The following PAWR variants were observed in gnomAD, a reference collection of about 807,000 sequenced individuals.
The protein encoded by PAWR is PRKC apoptosis WT1 regulator protein.
A neutral mutation model predicts 32.0 loss-of-function variants in PAWR; 23 were observed. That is an observed-to-expected ratio of 0.72 (90% CI 0.52 to 1.02). The LOEUF (loss-of-function observed/expected upper bound fraction) is 1.02. PAWR is among the 50% of genes least tolerant of loss of function. The pLI is 0.00. For missense variants in PAWR, 457 were observed against 437.7 expected, an observed-to-expected ratio of 1.04 and a Z score of -0.39; for synonymous variants, 226 against 187.1, an observed-to-expected ratio of 1.21 and a Z score of -1.70.
chr12:79,596,048 A>T (rs1873737019), intron 5 of PAWR, among the ~76,000 whole-genome samples: 2 of 152,176 alleles, frequency 1.3e-5, no homozygotes, highest in African/African-American at 4.8e-5. Context: ...TCTCAAGTAA[A>T]ACAAAACACA....
At chr12:79,672,060 T>C (rs1877929454) in intron 2 of PAWR, among the ~76,000 whole-genome samples, 1 of 152,160 alleles carries the variant, frequency 6.6e-6, no homozygotes, top group South Asian at 2.1e-4. Flanking sequence ...TCACAGAAAG[T>C]GCTGTCAGCT....
At position 79,591,645 on chromosome 12, in the gene PAWR, T is replaced by C. The variant is rs1408974998; in HGVS notation, c.*962A>G. 6.6e-6 allele frequency: 1 copy of C among 152,140 alleles called. No individual in the cohort carries two copies. The highest frequency in any genetic ancestry group is 1.5e-5 in the Non-Finnish European group (1 of 67,990). 9.4% of individuals were successfully genotyped at this position (152,140 alleles called of 1,614,324 possible). ...TATTCTCTCATATGAAAAAACTGTG[T>C]CCCAGTGTTATTCTTCAACTTAGAA... On this transcript the variant is annotated 3_prime_UTR_variant, in exon 7 of 7. Coordinates refer to ENST00000328827, the MANE Select transcript of PAWR (RefSeq NM_002583.4).
At chr12:79,658,465 A>T (rs1877196706) in intron 2 of PAWR, among the ~76,000 whole-genome samples, 1 of 152,154 alleles carries the variant, frequency 6.6e-6, no homozygotes, top group African/African-American at 2.4e-5. Flanking sequence ...CCAAGCAGAG[A>T]AAAAAGATTT....
intron 2 of PAWR, among the ~76,000 whole-genome samples, chr12:79,655,022 C>T (rs986341423): frequency 7.2e-5 from 11 of 152,264 alleles, no homozygotes; most frequent in African/African-American, 2.4e-4. Context: ...TTTCAGCTCG[C>T]TAAGCTGCCA....
At position 79,596,616 on chromosome 12, in the gene PAWR, A is replaced by G; in HGVS notation, c.726T>C (p.Ser242=). ...VSEEDVSSRY[S]RTDRSGFPRY... ...TAGGGAACCCACTTCTATCTGTTCG[A>G]GAATATCTACTTGAGACATCTTCTT... is the stretch of plus-strand genomic sequence containing the variant. The change falls in exon 5 of 7, where the codon TCT becomes TCC. Residue 242 remains serine, a synonymous_variant. Transcript: ENST00000328827. 6.2e-7 allele frequency: 1 copy of G among 1,601,828 alleles called. No individual in the cohort carries two copies. Among genetic ancestry groups the G allele is most frequent in the Admixed American group, 1.7e-5 (1 of 59,162 alleles).
At chr12:79,640,248 G>C (rs1298411115) in intron 2 of PAWR, among the ~76,000 whole-genome samples, 1 of 151,998 alleles carries the variant, frequency 6.6e-6, no homozygotes, top group Non-Finnish European at 1.5e-5. Context: ...CAAAGAGCAA[G>C]ACTCCTTATT....
chr12:79,639,829 TTTCCA>T (rs1243258639), intron 2 of PAWR, among the ~76,000 whole-genome samples: 1 of 114,970 alleles, frequency 8.7e-6, no homozygotes, highest in African/African-American at 6.4e-5. Context: ...TCCTTTTCCT[TTTCCA>T]TTCCTATTCC....
At chr12:79,621,430 C>T (rs1281362214) in intron 2 of PAWR, among the ~76,000 whole-genome samples, 2 of 152,168 alleles carry the variant, frequency 1.3e-5, no homozygotes, top group African/African-American at 4.8e-5. Flanking sequence ...AATCTTTTCC[C>T]TAAACTCCAA....
intron 2 of PAWR, among the ~76,000 whole-genome samples, chr12:79,638,825 T>C (rs893103764): frequency 1.6e-5 from 2 of 125,444 alleles, no homozygotes; most frequent in African/African-American, 5.6e-5. Flanking sequence ...GTGTGTATTA[T>C]ATATAAACAT....
intron 2 of PAWR, among the ~76,000 whole-genome samples, chr12:79,643,955 A>C (rs1255377483): frequency 6.6e-6 from 1 of 152,162 alleles, no homozygotes; most frequent in Non-Finnish European, 1.5e-5. Context: ...GCTATGTGTC[A>C]TGCTGCTCTA....
At chr12:79,637,933 T>G (rs1264614925) in intron 2 of PAWR, among the ~76,000 whole-genome samples, 1 of 152,172 alleles carries the variant, frequency 6.6e-6, no homozygotes, top group Non-Finnish European at 1.5e-5. Context: ...CATTTTGAAG[T>G]GTACTTACAT....
At position 79,645,069 on chromosome 12, in the gene PAWR, A is replaced by ACACAC. The variant is rs1220453183; in HGVS notation, c.517-23863_517-23862insGTGTG. ...ACACACACACACACACACACACACAAAAATCAATGTGGAATAGGAAATGAG... is the reference window on the plus strand; with the variant it reads ...ACACACACACACACACACACACACAACACACAAATCAATGTGGAATAGGAAATGAG... On this transcript the variant is annotated intron_variant, in intron 2 of 6. Coordinates refer to ENST00000328827, the MANE Select transcript of PAWR (RefSeq NM_002583.4). Among the ~76,000 whole-genome samples the ACACAC allele has an allele frequency of 1.3e-3, 159 of 124,804 alleles. 1 individual carries two copies. The highest frequency in any genetic ancestry group is 3.9e-3 in the African/African-American group (76 of 19,496). The allele number at this position is 124,804 out of a possible 152,430, so 81.9% of individuals were successfully genotyped here.
chr12:79,682,507 C>T lies in PAWR; in HGVS notation c.516+7222G>A, dbSNP rs1021391076. 7.9e-5 allele frequency among the ~76,000 whole-genome samples: 12 copies of T among 152,282 alleles called. 1 individual carries two copies. Among genetic ancestry groups the T allele is most frequent in the African/African-American group, 2.2e-4 (9 of 41,548 alleles). On this transcript the variant is annotated intron_variant, in intron 2 of 6. Coordinates refer to ENST00000328827, the MANE Select transcript of PAWR (RefSeq NM_002583.4). ...ACTATCATTGAAAAATACACTGTGA[C>T]CCACAAAATTTTGCTGGACAAAATC...
chr12:79,619,775 T>C (rs892696418), intron 3 of PAWR, among the ~76,000 whole-genome samples: 5 of 152,196 alleles, frequency 3.3e-5, no homozygotes, highest in African/African-American at 4.8e-5. Flanking sequence ...CAATCTTCCT[T>C]GCAATGGGAT....
At chr12:79,594,556 C>A in intron 5 of PAWR, 123 bp from the exon 6 acceptor site, 1 of 584,712 alleles carries the variant, frequency 1.7e-6, no homozygotes, top group Non-Finnish European at 3.0e-6. Context: ...CCAATGAATC[C>A]CTTAAGACAT....
chr12:79,675,570 TCATGTCCTTTG>T (rs1878124313), intron 2 of PAWR, among the ~76,000 whole-genome samples: 12 of 152,054 alleles, frequency 7.9e-5, no homozygotes, highest in Admixed American at 7.9e-4. Flanking sequence ...AAGAACAAGG[TCATGTCCTTTG>T]CAGCAATATA....
At chr12:79,660,627 A>G (rs1392208667) in intron 2 of PAWR, among the ~76,000 whole-genome samples, 1 of 142,150 alleles carries the variant, frequency 7.0e-6, no homozygotes, top group Non-Finnish European at 1.5e-5. Flanking sequence ...TCTGTTGCCC[A>G]GGCTGGAGTG....
rs1330934906 is a variant in PAWR, at chr12:79,632,346, TATATATATATATATA to T, written c.517-11154_517-11140del. On this transcript the variant is annotated intron_variant, in intron 2 of 6. Coordinates refer to ENST00000328827, the MANE Select transcript of PAWR (RefSeq NM_002583.4). ...ATATATATATATATATATATATATA[TATATATATATATATA>T]TTTTTTTTTTTTTTTAGACAGGGTC... is the stretch of plus-strand genomic sequence containing the variant. 6.5e-3 allele frequency among the ~76,000 whole-genome samples: 433 copies of T among 66,706 alleles called. 13 individuals are homozygous for T. The highest frequency in any genetic ancestry group is 9.1e-3 in the South Asian group (21 of 2,304). The allele number at this position is 66,706 out of a possible 152,430, so 43.8% of individuals were successfully genotyped here.
chr12:79,670,099 GA>G lies in PAWR; in HGVS notation c.516+19629del, dbSNP rs1382775700. ...AAAAATAGGTGGATGTTTGAAACAGGAAAAAAAATTAAGTTGTTAATCACAC... is the reference window on the plus strand; with the variant it reads ...AAAAATAGGTGGATGTTTGAAACAGGAAAAAAATTAAGTTGTTAATCACAC... On this transcript the variant is annotated intron_variant, in intron 2 of 6. Coordinates refer to ENST00000328827, the MANE Select transcript of PAWR (RefSeq NM_002583.4). 2.6e-5 allele frequency among the ~76,000 whole-genome samples: 4 copies of G among 151,876 alleles called. No homozygotes were observed. In the East Asian group the frequency reaches 7.7e-4, roughly 29 times the overall value.
Sources: allele counts gnomAD v4.1 joint callset (sites outside exome capture counted in the v4.1 genomes callset), GRCh38; gene constraint gnomAD v4.1.1; transcripts MANE v1.5; gene names NCBI Gene and HGNC (gene_info 2026-07-23, HGNC 2026-07-21).